MUC3A: variants seen among roughly 807,000 people sequenced by gnomAD.
MUC3A encodes mucin-3A.
In MUC3A, 109 loss-of-function variants were observed where a neutral mutation model predicts 109.0. That is an observed-to-expected ratio of 1.00 (90% CI 0.86 to 1.17). MUC3A has a LOEUF of 1.17. Among genes scored for constraint, MUC3A ranks in the 50% most tolerant of loss-of-function variants. The pLI, the probability that MUC3A is intolerant of heterozygous loss-of-function variation, is 0.00. For missense variants in MUC3A, 3,537 were observed against 2,469.4 expected (o/e 1.43, Z -9.16); for synonymous variants, 1,398 against 981.4 (o/e 1.42, Z -7.93).
In MUC3A at chr7:100,967,266, T is replaced by C; in HGVS notation, c.*104T>C. The C allele has an allele frequency of 6.5e-7, 1 of 1,531,880 alleles. No homozygotes were observed. 94.9% of individuals were successfully genotyped at this position (1,531,880 alleles called of 1,614,324 possible). On this transcript the variant is annotated 3_prime_UTR_variant, in exon 12 of 12. Coordinates refer to ENST00000379458, the MANE Select transcript of MUC3A (RefSeq NM_005960.2). Reference sequence around the variant, plus strand: ...GCCCCAGGACGCGGGCAGCCCAGGCTCCTGCTGTTCTTGGGCAAGATGAGA... The same window carrying C: ...GCCCCAGGACGCGGGCAGCCCAGGCCCCTGCTGTTCTTGGGCAAGATGAGA...
At position 100,967,381 on chromosome 7, in the gene MUC3A, T is replaced by C; in HGVS notation, c.*219T>C. 1 of 710,470 alleles carries C rather than the reference T, an allele frequency of 1.4e-6. No homozygotes were observed. Among genetic ancestry groups the C allele is most frequent in the Non-Finnish European group, 2.3e-6 (1 of 436,912 alleles). The allele number at this position is 710,470 out of a possible 1,614,324, so 44.0% of individuals were successfully genotyped here. ...ACGTCCAGGCTCTTCCACTGTGGAA[T>C]CTTGGGCAAGTCAGTAACGAGCCTC... On this transcript the variant is annotated 3_prime_UTR_variant, in exon 12 of 12. Transcript: ENST00000379458.
rs1792467847 is a variant in MUC3A at position 100,964,824 on chromosome 7, C to G, written c.9363C>G (p.Asn3121Lys). ...EGLQNASQDV[N>K]SCQDSQTLCF... ...TGCAGAACGCCAGCCAGGATGTGAA[C>G]AGCTGCCAGGACTCCCAGAGTGAGC... The change falls in exon 6 of 12, where the codon AAC becomes AAG. Residue 3121 changes from asparagine to lysine, a missense_variant. Coordinates refer to ENST00000379458, the MANE Select transcript of MUC3A (RefSeq NM_005960.2). 6.3e-7 allele frequency: 1 copy of G among 1,597,976 alleles called. No individual in the cohort carries two copies. The highest frequency in any genetic ancestry group is 8.5e-7 in the Non-Finnish European group (1 of 1,179,394).
chr7:100,965,862 T>C lies in MUC3A; in HGVS notation c.9607T>C (p.Cys3203Arg), dbSNP rs1451325832. Residue 3203 changes from cysteine (C) to arginine (R), a missense_variant, in exon 8 of 12, where the codon TGT becomes CGT. Coordinates refer to ENST00000379458, the MANE Select transcript of MUC3A (RefSeq NM_005960.2). Reference sequence around the variant, plus strand: ...CGTTCTGGAGACGAGCGGTCCCACGTGTCGGTAAGGCCCCGCTCACCATCG... The same window carrying C: ...CGTTCTGGAGACGAGCGGTCCCACGCGTCGGTAAGGCCCCGCTCACCATCG... ...QCVLETSGPTCRCYSTDTHWF... is the reference protein window; with the variant it reads ...QCVLETSGPTRRCYSTDTHWF... The C allele has an allele frequency of 1.9e-6, 3 of 1,591,914 alleles. No individual in the cohort carries two copies. Among genetic ancestry groups the C allele is most frequent in the Non-Finnish European group, 1.7e-6 (2 of 1,175,382 alleles).
chr7:100,957,582 T>G lies in MUC3A; in HGVS notation c.5803T>G (p.Ser1935Ala), dbSNP rs1792134255. Residue 1935 changes from serine to alanine, a missense_variant, in exon 2 of 12, where the codon TCA becomes GCA. Physicochemically the swap from Ser to Ala is moderately conservative, Grantham distance 99. Coordinates refer to ENST00000379458, the MANE Select transcript of MUC3A (RefSeq NM_005960.2). ...TSSITTTETPSHSTPRFTSSI... is the reference protein window; with the variant it reads ...TSSITTTETPAHSTPRFTSSI... Reference sequence around the variant, plus strand: ...TTCAATCACCACTACCGAGACCCCCTCACACAGTACTCCCAGATTCACTTC... The same window carrying G: ...TTCAATCACCACTACCGAGACCCCCGCACACAGTACTCCCAGATTCACTTC... 9 of 1,574,292 alleles carry G rather than the reference T, an allele frequency of 5.7e-6. 1 individual carries two copies. The highest frequency in any genetic ancestry group is 2.8e-5 in the African/African-American group (2 of 71,830).
chr7:100,967,322 C>T lies in MUC3A; in HGVS notation c.*160C>T. 8.0e-7 allele frequency: 1 copy of T among 1,248,038 alleles called. No homozygotes were observed. Among genetic ancestry groups the T allele is most frequent in the Non-Finnish European group, 1.1e-6 (1 of 907,550 alleles). The allele number at this position is 1,248,038 out of a possible 1,614,324, so 77.3% of individuals were successfully genotyped here. ...CCCCCAAATCCCATCCTTCTCCTTC[C>T]AACTTGGCTGAAACCCACCTGGAGA... On this transcript the variant is annotated 3_prime_UTR_variant, in exon 12 of 12. Coordinates refer to ENST00000379458, the MANE Select transcript of MUC3A (RefSeq NM_005960.2).
rs764506359 is a variant in MUC3A, at chr7:100,965,848, C to T, written c.9593C>T (p.Thr3198Met). 4.4e-6 allele frequency: 7 copies of T among 1,594,520 alleles called. No homozygotes were observed. Among genetic ancestry groups the T allele is most frequent in the East Asian group, 2.2e-5 (1 of 44,786 alleles). Residue 3198 changes from threonine (T) to methionine (M), a missense_variant, in exon 8 of 12, where the codon ACG (threonine) becomes ATG (methionine). Thr to Met is a moderately conservative substitution (Grantham distance 81). Coordinates refer to ENST00000379458, the MANE Select transcript of MUC3A (RefSeq NM_005960.2). ...DCHQGQCVLE[T>M]SGPTCRCYST... Reference sequence around the variant, plus strand: ...CACCAGGGCCAGTGCGTTCTGGAGACGAGCGGTCCCACGTGTCGGTAAGGC... The same window carrying T: ...CACCAGGGCCAGTGCGTTCTGGAGATGAGCGGTCCCACGTGTCGGTAAGGC...
At position 100,960,662 on chromosome 7, in the gene MUC3A, C is replaced by T. The variant is rs764906874; in HGVS notation, c.8866+17C>T. On this transcript the variant is annotated intron_variant, in intron 2 of 11. Transcript: ENST00000379458. ...CCACTGCAGGTTGGACCTTCTGCCT[C>T]TCTGTTCCCCTCCTTCCTCCCCTGC... 7 of 1,593,692 alleles carry T rather than the reference C, an allele frequency of 4.4e-6. No individual in the cohort carries two copies. The highest frequency in any genetic ancestry group is 1.7e-5 in the Admixed American group (1 of 59,704).
chr7:100,949,916 G>A (rs897261975), intron 1 of MUC3A, among the ~76,000 whole-genome samples: 1 of 131,936 alleles, frequency 7.6e-6, no homozygotes, highest in Admixed American at 7.6e-5. Flanking sequence ...AAGAGTGAGG[G>A]AGCTGGGTCT....
intron 7 of MUC3A, 86 bp from the exon 8 acceptor site, chr7:100,965,618 G>A: frequency 3.3e-6 from 5 of 1,533,730 alleles, no homozygotes; most frequent in Non-Finnish European, 4.4e-6. Flanking sequence ...AATCCTCCTC[G>A]CGCATATTCA....
chr7:100,959,491 T>A lies in MUC3A; in HGVS notation c.7712T>A (p.Val2571Asp). The A allele has an allele frequency of 6.3e-7, 1 of 1,585,192 alleles. No homozygotes were observed. ...ATCAGTTCCTTTAGCACAAGTATTG[T>A]TGTTATACCTGAAACCCCAACACAG... Reference protein sequence around the residue: ...TPISSFSTSIVVIPETPTQTP... With the variant: ...TPISSFSTSIDVIPETPTQTP... Residue 2571 changes from valine to aspartate, a missense_variant, in exon 2 of 12, where the codon GTT (valine) becomes GAT (aspartate). By Grantham distance (152) the Val-to-Asp change is radical (BLOSUM62 -3). Coordinates refer to ENST00000379458, the MANE Select transcript of MUC3A (RefSeq NM_005960.2).
chr7:100,959,376 C>T lies in MUC3A; in HGVS notation c.7597C>T (p.Gln2533Ter), dbSNP rs1469256408. Reference sequence around the variant, plus strand: ...CATCATTTCATCTTCTCCCTCCATCCAAAGTACAGAAACCTCATCCCTTGT... The same window carrying T: ...CATCATTTCATCTTCTCCCTCCATCTAAAGTACAGAAACCTCATCCCTTGT... ...THIISSSPSI[Q>*]STETSSLVGT... The change falls in exon 2 of 12, where the codon CAA becomes TAA. Residue 2533 changes from glutamine to a stop codon, truncating the protein, a stop_gained. Transcript: ENST00000379458. LOFTEE classifies it high-confidence loss of function. 6.5e-6 allele frequency: 10 copies of T among 1,539,092 alleles called. No individual in the cohort carries two copies. Among genetic ancestry groups the T allele is most frequent in the Non-Finnish European group, 8.7e-6 (10 of 1,152,158 alleles).
Position 100,957,251 on chromosome 7 carries a change from C to A in MUC3A, c.5472C>A (p.Thr1824=). 2.0e-6 allele frequency: 1 copy of A among 499,688 alleles called. No individual in the cohort carries two copies. The highest frequency in any genetic ancestry group is 3.5e-6 in the Non-Finnish European group (1 of 286,770). The allele number at this position is 499,688 out of a possible 1,614,324, so 31.0% of individuals were successfully genotyped here. The change falls in exon 2 of 12, where the codon ACC becomes ACA. Residue 1824 remains threonine, a synonymous_variant. Coordinates refer to ENST00000379458, the MANE Select transcript of MUC3A (RefSeq NM_005960.2). ...CCACCCCTCTATCTACATTGGTGAC[C>A]ACATTCTCCAATTCCGACACCAGTT... ...TNTTPLSTLV[T]TFSNSDTSST...
chr7:100,967,246 A>G lies in MUC3A; in HGVS notation c.*84A>G. The G allele has an allele frequency of 1.3e-6, 2 of 1,577,520 alleles. No individual in the cohort carries two copies. The highest frequency in any genetic ancestry group is 1.7e-6 in the Non-Finnish European group (2 of 1,166,646). On this transcript the variant is annotated 3_prime_UTR_variant, in exon 12 of 12. Coordinates refer to ENST00000379458, the MANE Select transcript of MUC3A (RefSeq NM_005960.2). ...TGCGTCCATTTCAAGAGGTGGCCCCAGGACGCGGGCAGCCCAGGCTCCTGC... is the reference window on the plus strand; with the variant it reads ...TGCGTCCATTTCAAGAGGTGGCCCCGGGACGCGGGCAGCCCAGGCTCCTGC...
rs781115922 is a variant in MUC3A, at chr7:100,960,782, A to C, written c.8897A>C (p.Gln2966Pro). 2 of 1,598,178 alleles carry C rather than the reference A, an allele frequency of 1.3e-6. No homozygotes were observed. Among genetic ancestry groups the C allele is most frequent in the African/African-American group, 2.7e-5 (2 of 74,958 alleles). Residue 2966 changes from glutamine to proline, a missense_variant, in exon 3 of 12, where the codon CAG becomes CCG. Physicochemically the swap from Gln to Pro is moderately conservative, Grantham distance 76 (BLOSUM62 -1). Transcript: ENST00000379458. ...GTCDNGGTWE[Q>P]GQCACLPGFS... ...TGTGACAATGGTGGCACCTGGGAACAGGGCCAGTGTGCTTGCCTTCCGGGG... is the reference window on the plus strand; with the variant it reads ...TGTGACAATGGTGGCACCTGGGAACCGGGCCAGTGTGCTTGCCTTCCGGGG...
At position 100,967,137 on chromosome 7, in the gene MUC3A, C is replaced by T. The variant is rs1792618495; in HGVS notation, c.9947C>T (p.Pro3316Leu). 1.3e-6 allele frequency: 2 copies of T among 1,598,552 alleles called. No homozygotes were observed. The highest frequency in any genetic ancestry group is 1.7e-6 in the Non-Finnish European group (2 of 1,179,822). Residue 3316 changes from proline (P) to leucine (L), a missense_variant, in exon 12 of 12, where the codon CCC (proline) becomes CTC (leucine). Physicochemically the swap from Pro to Leu is moderately conservative, Grantham distance 98 (BLOSUM62 -3). Transcript: ENST00000379458. Reference sequence around the variant, plus strand: ...CTCTGACAGGTGCACATCAAGAGACCCGAGATGACCTCGTCCTCAGTGTGA... The same window carrying T: ...CTCTGACAGGTGCACATCAAGAGACTCGAGATGACCTCGTCCTCAGTGTGA... The part of the protein sequence containing the change: ...DTTMKVHIKR[P>L]EMTSSSV
At position 100,964,595 on chromosome 7, in the gene MUC3A, C is replaced by T. The variant is rs4989163; in HGVS notation, c.9234-100C>T. The T allele has an allele frequency of 1.0e-5, 15 of 1,471,414 alleles. No individual in the cohort carries two copies. In the Admixed American group the frequency reaches 2.5e-4, roughly 25 times the overall value. The allele number at this position is 1,471,414 out of a possible 1,614,324, so 91.1% of individuals were successfully genotyped here. ...CATCCCAACTCATGACCTCTGCTCC[C>T]TTCCCCCTTCTGGTGCACTTTGGGT... On this transcript the variant is annotated intron_variant, in intron 5 of 11. Transcript: ENST00000379458.
At position 100,966,908 on chromosome 7, in the gene MUC3A, C is replaced by T; in HGVS notation, c.9887C>T (p.Thr3296Ile). 6.3e-7 allele frequency: 1 copy of T among 1,598,544 alleles called. No individual in the cohort carries two copies. Among genetic ancestry groups the T allele is most frequent in the Non-Finnish European group, 8.5e-7 (1 of 1,179,822 alleles). The change falls in exon 11 of 12, where the codon ACA (threonine) becomes ATA (isoleucine). Residue 3296 changes from threonine (T) to isoleucine (I), a missense_variant. Coordinates refer to ENST00000379458, the MANE Select transcript of MUC3A (RefSeq NM_005960.2). Reference sequence around the variant, plus strand: ...TCCTCTCTCTCTCTAGACAAGGATACAAATTTCTATGTGGCCTTGGAGAAC... The same window carrying T: ...TCCTCTCTCTCTCTAGACAAGGATATAAATTTCTATGTGGCCTTGGAGAAC... ...GFEDDGTDKD[T>I]NFYVALENVD...
chr7:100,953,492 A>C lies in MUC3A; in HGVS notation c.1713A>C (p.Ala571=). The part of the protein sequence containing the change: ...TLHTTAESTL[A]PTTTTSFTTS... Reference sequence around the variant, plus strand: ...ACACAACAGCTGAATCCACCCTGGCACCCACTACCACCACCTCATTCACAA... The same window carrying C: ...ACACAACAGCTGAATCCACCCTGGCCCCCACTACCACCACCTCATTCACAA... Residue 571 remains alanine, a synonymous_variant, in exon 2 of 12, where the codon GCA becomes GCC. Transcript: ENST00000379458. The C allele has an allele frequency of 2.3e-6, 1 of 436,864 alleles. No individual in the cohort carries two copies. Among genetic ancestry groups the C allele is most frequent in the Non-Finnish European group, 3.9e-6 (1 of 254,688 alleles). The allele number at this position is 436,864 out of a possible 1,614,324, so 27.1% of individuals were successfully genotyped here.
chr7:100,965,478 C>T (rs1792501147), intron 7 of MUC3A, 131 bp downstream of exon 7: 1 of 1,471,418 alleles, frequency 6.8e-7, no homozygotes, highest in Admixed American at 2.0e-5. Flanking sequence ...CAGGGCGGCC[C>T]TTCCTGGCGC....
Sources: gnomAD v4.1 joint callset for allele counts (sites outside exome capture counted in the v4.1 genomes callset) on GRCh38, gnomAD v4.1.1 for gene constraint, MANE v1.5 for transcripts, NCBI Gene and HGNC (gene_info 2026-07-23, HGNC 2026-07-21) for gene names.